Variants in STK39 observed in about 807,000 individuals in gnomAD.
STK39 encodes the protein serine/threonine kinase 39, also known as STE20/SPS1-related proline-alanine-rich protein kinase.
Under a neutral mutation model 77.8 loss-of-function variants are expected in STK39, and 20 were observed. The observed-to-expected ratio is 0.26, with a 90% CI of 0.18 to 0.37. The LOEUF (loss-of-function observed/expected upper bound fraction) is 0.37. Among genes scored for constraint, STK39 ranks in the 10% least tolerant of loss-of-function variants. STK39 has a pLI of 1.00. For missense variants in STK39, 479 were observed against 656.5 expected (o/e 0.73, Z 2.95); for synonymous variants, 246 against 234.1 (o/e 1.05, Z -0.47).
At chr2:168,175,358 T>C (rs1245694450) in intron 2 of STK39, among the ~76,000 whole-genome samples, 1 of 152,186 alleles carries the variant, frequency 6.6e-6, no homozygotes. Flanking sequence ...TGGGTCCCTG[T>C]TACTGAAAAC....
chr2:168,016,416 A>AAAAC (rs1559058098), intron 15 of STK39, among the ~76,000 whole-genome samples: 11 of 145,128 alleles, frequency 7.6e-5, no homozygotes, highest in African/African-American at 2.9e-4. Context: ...AAAAAAAACA[A>AAAAC]CACTACTGAA....
At chr2:168,233,744 C>A (rs191091679) in intron 1 of STK39, among the ~76,000 whole-genome samples, 4 of 152,252 alleles carry the variant, frequency 2.6e-5, no homozygotes, top group Admixed American at 6.5e-5. Flanking sequence ...ATTTTTTAAA[C>A]CTTATAATCA....
chr2:168,216,372 G>C (rs1034705511), intron 1 of STK39, among the ~76,000 whole-genome samples: 1 of 152,154 alleles, frequency 6.6e-6, no homozygotes, highest in Admixed American at 6.5e-5. Flanking sequence ...GTTTTGTTTT[G>C]AGGCCAGCTA....
intron 1 of STK39, among the ~76,000 whole-genome samples, chr2:168,226,555 G>A (rs1173896015): frequency 1.3e-5 from 2 of 152,274 alleles, no homozygotes; most frequent in African/African-American, 4.8e-5. Flanking sequence ...CATAAGTGAT[G>A]CAACTTTCAT....
intron 1 of STK39, among the ~76,000 whole-genome samples, chr2:168,187,985 T>C (rs1453238541): frequency 1.3e-5 from 2 of 152,202 alleles, no homozygotes; most frequent in Non-Finnish European, 2.9e-5. Flanking sequence ...GGAACTTTAA[T>C]AAGAGTTTGA....
intron 1 of STK39, among the ~76,000 whole-genome samples, chr2:168,207,163 G>A (rs556267185): frequency 6.6e-6 from 1 of 152,306 alleles, no homozygotes; most frequent in African/African-American, 2.4e-5. Context: ...GGTCTCCTCT[G>A]AGTTCTGGTA....
chr2:168,216,894 C>T lies in STK39; in HGVS notation c.208+30334G>A, dbSNP rs533175995. The stretch of plus-strand genomic sequence containing the variant: ...CCTGCCCCTTTCCCATACCAGGAAG[C>T]TTTACCCAACCAACCCGCTAGGAAC... On this transcript the variant is annotated intron_variant, in intron 1 of 17. Coordinates refer to ENST00000355999, the MANE Select transcript of STK39 (RefSeq NM_013233.3). Among the ~76,000 whole-genome samples the T allele has an allele frequency of 1.4e-4, 22 of 152,262 alleles. No homozygotes were observed. In the South Asian group the frequency reaches 4.3e-3, roughly 30 times the overall value.
rs547560634 is a variant in STK39 at position 168,057,253 on chromosome 2, C to T, written c.1376+6247G>A. Among the ~76,000 whole-genome samples, 12 of 152,304 alleles carry T rather than the reference C, an allele frequency of 7.9e-5. No individual in the cohort carries two copies. In the South Asian group the frequency reaches 1.9e-3, roughly 24 times the overall value. ...TGTCGCCCAGGCTAGAGTGCAGTGG[C>T]ATAATTTCTGCTCACTGCAACCTCC... is the stretch of plus-strand genomic sequence containing the variant. On this transcript the variant is annotated intron_variant, in intron 14 of 17. Transcript: ENST00000355999.
chr2:168,230,534 G>C (rs146241271), intron 1 of STK39, among the ~76,000 whole-genome samples: 1 of 152,256 alleles, frequency 6.6e-6, no homozygotes, highest in East Asian at 1.9e-4. Flanking sequence ...GAAATGCCCA[G>C]CCCAGCCAAA....
intron 2 of STK39, among the ~76,000 whole-genome samples, chr2:168,172,317 C>T (rs971365619): frequency 2.0e-5 from 3 of 152,176 alleles, no homozygotes; most frequent in Admixed American, 2.0e-4. Flanking sequence ...ACAGAAATGT[C>T]ACAGGACACA....
At chr2:168,033,037 A>G (rs1188316961) in intron 14 of STK39, among the ~76,000 whole-genome samples, 32 of 152,344 alleles carry the variant, frequency 2.1e-4, no homozygotes, top group Non-Finnish European at 7.3e-5. Flanking sequence ...GATGTTGGGT[A>G]GTCTCTCTCC....
chr2:168,235,430 T>C (rs1193974149), intron 1 of STK39, among the ~76,000 whole-genome samples: 1 of 146,904 alleles, frequency 6.8e-6, no homozygotes, highest in Non-Finnish European at 1.5e-5. Flanking sequence ...TAGGGCAGAA[T>C]CACGAGCCTG....
Position 168,023,249 on chromosome 2 carries a change from A to G in STK39, c.1377-6154T>C, listed in dbSNP as rs115860651. 3.6e-3 allele frequency among the ~76,000 whole-genome samples: 534 copies of G among 150,300 alleles called. 7 individuals carry two copies. The highest frequency in any genetic ancestry group is 0.013 in the African/African-American group (513 of 40,562). On this transcript the variant is annotated intron_variant, in intron 14 of 17. Transcript: ENST00000355999. The stretch of plus-strand genomic sequence containing the variant: ...AAAAAATGTTTAGTAATTGATGTTC[A>G]GTGCTGACAAACTTTTTTTTTTTTT...
At chr2:168,011,873 T>C (rs1684279773) in intron 16 of STK39, among the ~76,000 whole-genome samples, 1 of 152,188 alleles carries the variant, frequency 6.6e-6, no homozygotes, top group Non-Finnish European at 1.5e-5. Context: ...AGAACCGGCC[T>C]GAATGATCTT....
intron 14 of STK39, among the ~76,000 whole-genome samples, chr2:168,033,155 CA>C (rs1237758917): frequency 2.0e-5 from 3 of 151,632 alleles, no homozygotes; most frequent in Non-Finnish European, 4.4e-5. Flanking sequence ...TGATGCATGG[CA>C]GTATATTAAA....
chr2:168,110,121 T>C (rs1323473550), intron 10 of STK39, among the ~76,000 whole-genome samples: 1 of 152,224 alleles, frequency 6.6e-6, no homozygotes, highest in Non-Finnish European at 1.5e-5. Flanking sequence ...TCCAAAGCAA[T>C]AGGTTTTCTT....
At chr2:168,075,273 G>A (rs777215633) in intron 10 of STK39, 42 bp from the exon 11 acceptor site, 12 of 1,610,146 alleles carry the variant, frequency 7.5e-6, no homozygotes, top group South Asian at 2.2e-5. Context: ...CTAGTCAAAT[G>A]TGAACCATTT....
chr2:168,096,298 C>T (rs1411536330), intron 10 of STK39, among the ~76,000 whole-genome samples: 2 of 152,150 alleles, frequency 1.3e-5, no homozygotes, highest in African/African-American at 4.8e-5. Context: ...CAACAAAAGG[C>T]CTCTGCATGA....
chr2:168,142,103 T>C (rs1687999092), intron 5 of STK39, among the ~76,000 whole-genome samples: 1 of 152,224 alleles, frequency 6.6e-6, no homozygotes, highest in African/African-American at 2.4e-5. Flanking sequence ...TTAATATGCA[T>C]ATATGTTTCC....
Sources: gnomAD v4.1 joint callset for allele counts (sites outside exome capture counted in the v4.1 genomes callset) on GRCh38, gnomAD v4.1.1 for gene constraint, MANE v1.5 for transcripts, NCBI Gene and HGNC (gene_info 2026-07-23, HGNC 2026-07-21) for gene names.